Variants in NBR1 observed in about 807,000 individuals in gnomAD.
NBR1 encodes the protein next to BRCA1 gene 1 protein.
A neutral mutation model predicts 115.5 loss-of-function variants in NBR1; 59 were observed. The observed-to-expected ratio is 0.51, with a 90% confidence interval of 0.41 to 0.63. The LOEUF is 0.63. Among genes scored for constraint, NBR1 ranks in the 30% least tolerant of loss-of-function variants. NBR1 has a pLI of 0.00. For missense variants in NBR1, 1,043 were observed against 1,150.5 expected, an observed-to-expected ratio of 0.91 and a Z score of 1.35; for synonymous variants, 373 against 414.7, an observed-to-expected ratio of 0.90 and a Z score of 1.22.
chr17:43,200,202 G>C lies in NBR1; in HGVS notation c.2062G>C (p.Glu688Gln). 1 of 1,550,454 alleles carries C rather than the reference G, an allele frequency of 6.4e-7. No individual in the cohort carries two copies. Residue 688 changes from glutamate (E) to glutamine (Q), a missense_variant, in exon 17 of 21, where the codon GAG becomes CAG. Transcript: ENST00000590996. ...FALPEGPLGN[E>Q]KEEIIHIAEE... is the part of the protein sequence containing the mutation. ...CTTGCCTGAAGGACCACTTGGAAAT[G>C]AGAAGGAGGAGATTATCCATATCGC...
chr17:43,201,355 T>C (rs2057193741), intron 17 of NBR1, among the ~76,000 whole-genome samples: 1 of 152,262 alleles, frequency 6.6e-6, no homozygotes, highest in South Asian at 2.1e-4. Flanking sequence ...GAATCATTCT[T>C]GTCTCCTAAT....
intron 8 of NBR1, chr17:43,190,018 A>T (rs2056905299): frequency 1.8e-6 from 1 of 568,530 alleles, no homozygotes; most frequent in Non-Finnish European, 3.1e-6. Flanking sequence ...GGATTAGCAA[A>T]GCCAGGCAAA....
At chr17:43,183,402 G>A (rs2056723402) in intron 5 of NBR1, among the ~76,000 whole-genome samples, 1 of 151,164 alleles carries the variant, frequency 6.6e-6, no homozygotes, top group South Asian at 2.1e-4. Context: ...TGTATTTTTA[G>A]TAGAGATGGG....
chr17:43,201,571 C>A, intron 17 of NBR1, 115 bp from the exon 18 acceptor site: 1 of 663,748 alleles, frequency 1.5e-6, no homozygotes, highest in South Asian at 1.8e-5. Flanking sequence ...TGATCTGGAT[C>A]AGAAATGTGA....
At position 43,197,579 on chromosome 17, in the gene NBR1, A is replaced by C. The variant is rs150716843; in HGVS notation, c.2026+473A>C. On this transcript the variant is annotated intron_variant, in intron 16 of 20. Coordinates refer to ENST00000590996, the MANE Select transcript of NBR1 (RefSeq NM_005899.5). ...CTTTAGACTCTACGTATGCTACCTGACTGTTCTAATTAGAGCATCAGGAGT... is the reference window on the plus strand; with the variant it reads ...CTTTAGACTCTACGTATGCTACCTGCCTGTTCTAATTAGAGCATCAGGAGT... Among the ~76,000 whole-genome samples the C allele has an allele frequency of 4.2e-3, 635 of 152,092 alleles. 9 individuals are homozygous for C. Among genetic ancestry groups the C allele is most frequent in the African/African-American group, 0.015 (612 of 41,516 alleles).
At chr17:43,208,918 GTTCACACCAC>G (rs2057365362) in intron 20 of NBR1, among the ~76,000 whole-genome samples, 1 of 152,076 alleles carries the variant, frequency 6.6e-6, no homozygotes, top group South Asian at 2.1e-4. Context: ...AATGAGCTGT[GTTCACACCAC>G]TGCACACCAG....
chr17:43,171,118 G>A (rs1191461326), upstream of NBR1: 1 of 152,698 alleles, frequency 6.5e-6, no homozygotes, highest in African/African-American at 2.4e-5. Context: ...ACCAATCAAT[G>A]GCGTGGTCGT....
chr17:43,201,976 G>A (rs190152070), intron 18 of NBR1, among the ~76,000 whole-genome samples, 196 bp downstream of exon 18: 6 of 151,710 alleles, frequency 4.0e-5, no homozygotes, highest in East Asian at 3.9e-4. Flanking sequence ...TCAGGAGTTC[G>A]AGACCAGCCT....
At chr17:43,205,431 T>A (rs2057295002) in intron 20 of NBR1, among the ~76,000 whole-genome samples, 1 of 152,204 alleles carries the variant, frequency 6.6e-6, no homozygotes, top group East Asian at 1.9e-4. Flanking sequence ...TAAGGCTTTC[T>A]GGTAGATGAT....
chr17:43,172,618 A>T (rs1015838587), intron 1 of NBR1, among the ~76,000 whole-genome samples: 1 of 152,184 alleles, frequency 6.6e-6, no homozygotes, highest in Non-Finnish European at 1.5e-5. Flanking sequence ...ACTAGATGTC[A>T]GCAGGATTGT....
At chr17:43,209,027 G>A (rs559818710) in intron 20 of NBR1, among the ~76,000 whole-genome samples, 35 of 151,500 alleles carry the variant, frequency 2.3e-4, no homozygotes, top group African/African-American at 7.7e-4. Flanking sequence ...GGAAGGTAAT[G>A]CTTCCACCAC....
intron 12 of NBR1, 91 bp downstream of exon 12, chr17:43,193,729 T>C: frequency 7.2e-7 from 1 of 1,389,590 alleles, no homozygotes; most frequent in Non-Finnish European, 9.6e-7. Flanking sequence ...CATAGCTGGT[T>C]GTTTTCCAGA....
intron 18 of NBR1, 80 bp downstream of exon 18, chr17:43,201,860 C>A: frequency 1.2e-6 from 1 of 828,434 alleles, no homozygotes; most frequent in Non-Finnish European, 2.0e-6. Context: ...TCTCTCTCTT[C>A]GTGATTCTTG....
At chr17:43,180,637 G>A (rs1169457974) in intron 4 of NBR1, 158 bp from the exon 5 acceptor site, 4 of 831,866 alleles carry the variant, frequency 4.8e-6, no homozygotes, top group African/African-American at 1.8e-5. Flanking sequence ...TCCTCATGTT[G>A]TACAGTCCAT....
chr17:43,196,325 T>C (rs1378242910), intron 14 of NBR1, among the ~76,000 whole-genome samples, 156 bp from the exon 15 acceptor site: 1 of 152,160 alleles, frequency 6.6e-6, no homozygotes, highest in Non-Finnish European at 1.5e-5. Flanking sequence ...TACTTATTGG[T>C]CTGGAGAAAT....
At chr17:43,209,642 A>C in intron 20 of NBR1, 1 of 1,535,490 alleles carries the variant, frequency 6.5e-7, no homozygotes, top group Non-Finnish European at 8.7e-7. Flanking sequence ...TCCTGGTTCT[A>C]AGTACAGTTC....
At chr17:43,206,939 C>T (rs1457192879) in intron 20 of NBR1, among the ~76,000 whole-genome samples, 1 of 152,082 alleles carries the variant, frequency 6.6e-6, no homozygotes, top group African/African-American at 2.4e-5. Flanking sequence ...GTGGCGCACA[C>T]CTGTAGTCCC....
At chr17:43,189,922 G>A (rs1597987346) in intron 8 of NBR1, 120 bp downstream of exon 8, 1 of 824,202 alleles carries the variant, frequency 1.2e-6, no homozygotes, top group East Asian at 2.4e-5. Context: ...AGATGTTGTA[G>A]CTGTGAGTTG....
chr17:43,209,929 C>A lies in NBR1; in HGVS notation c.2756C>A (p.Ala919Asp). The A allele has an allele frequency of 1.3e-6, 2 of 1,593,410 alleles. No individual in the cohort carries two copies. The highest frequency in any genetic ancestry group is 1.1e-5 in the South Asian group (1 of 88,386). The change falls in exon 21 of 21, where the codon GCC becomes GAC. Residue 919 changes from alanine to aspartate, a missense_variant. Physicochemically the swap from Ala to Asp is moderately radical, Grantham distance 126. Coordinates refer to ENST00000590996, the MANE Select transcript of NBR1 (RefSeq NM_005899.5). ...ATAATTTCTGAAGATCAGACAGCAG[C>A]CCTGATGGCCCATCTCTTTGAAATG... ...QPIISEDQTA[A>D]LMAHLFEMGF... is the part of the protein sequence containing the mutation.
Sources: allele counts gnomAD v4.1 joint callset (sites outside exome capture counted in the v4.1 genomes callset), GRCh38; gene constraint gnomAD v4.1.1; transcripts MANE v1.5; gene names NCBI Gene and HGNC (gene_info 2026-07-23, HGNC 2026-07-21).